FGD4: variants seen among roughly 807,000 people sequenced by gnomAD.
The protein encoded by FGD4 is FYVE, RhoGEF and PH domain-containing protein 4.
Under a neutral mutation model 102.0 loss-of-function variants are expected in FGD4, and 42 were observed. That is an observed-to-expected ratio of 0.41 (90% CI 0.32 to 0.53). The LOEUF is 0.53. FGD4 is among the 20% of genes least tolerant of loss of function. The pLI, the probability that FGD4 is intolerant of heterozygous loss-of-function variation, is 0.21. For synonymous variants in FGD4, 380 were observed against 375.7 expected, an observed-to-expected ratio of 1.01 and a Z score of -0.13; for missense variants, 902 against 1,078.2, an observed-to-expected ratio of 0.84 and a Z score of 2.29.
At chr12:32,406,804 T>C (rs1304997186) in intron 1 of FGD4, among the ~76,000 whole-genome samples, 2 of 151,942 alleles carry the variant, frequency 1.3e-5, no homozygotes, top group South Asian at 2.1e-4. Flanking sequence ...AAGCTGTTTT[T>C]TTTTGTTTGT....
chr12:32,404,995 G>A (rs1408952771), intron 1 of FGD4, among the ~76,000 whole-genome samples: 3 of 152,012 alleles, frequency 2.0e-5, no homozygotes, highest in Non-Finnish European at 2.9e-5. Flanking sequence ...GAGCAGTGGC[G>A]CAATCTCGGC....
At chr12:32,524,539 GA>G (rs1205784414) in intron 1 of FGD4, among the ~76,000 whole-genome samples, 6 of 120,910 alleles carry the variant, frequency 5.0e-5, no homozygotes, top group Non-Finnish European at 1.0e-4. Context: ...AAAAAAAACA[GA>G]AAAAAATATG....
rs1004968 is a variant in FGD4 at position 32,610,540 on chromosome 12, T to G, written c.1544-236T>G. Among the ~76,000 whole-genome samples the G allele has an allele frequency of 0.4, 60,830 of 152,068 alleles. 12,495 individuals carry two copies. Among genetic ancestry groups the G allele is most frequent in the Middle Eastern group, 0.57 (169 of 294 alleles). Reference sequence around the variant, plus strand: ...TTAATTTTGATGGTTCATTGGGGATTAATTAAACCTGTGAGCCTAAATCAT... The same window carrying G: ...TTAATTTTGATGGTTCATTGGGGATGAATTAAACCTGTGAGCCTAAATCAT... On this transcript the variant is annotated intron_variant, in intron 8 of 16. Coordinates refer to ENST00000534526, the MANE Select transcript of FGD4 (RefSeq NM_001370298.3).
At chr12:32,610,719 A>G (rs952450411) in intron 8 of FGD4, 57 bp from the exon 9 acceptor site, 7 of 1,500,608 alleles carry the variant, frequency 4.7e-6, no homozygotes, top group South Asian at 2.3e-5. Flanking sequence ...ACTCAGCTAT[A>G]TAGAAGCACA....
chr12:32,415,709 C>T lies in FGD4; in HGVS notation c.166+15750C>T, dbSNP rs371136487. On this transcript the variant is annotated intron_variant, in intron 1 of 16. Transcript: ENST00000534526. ...TGCGGAGCCACCAGGCGTGAGCCACCGCGCCCAGCCTCTTTCTTTAGCTCT... is the reference window on the plus strand; with the variant it reads ...TGCGGAGCCACCAGGCGTGAGCCACTGCGCCCAGCCTCTTTCTTTAGCTCT... 1.3e-4 allele frequency among the ~76,000 whole-genome samples: 20 copies of T among 152,288 alleles called. No homozygotes were observed. In the South Asian group the frequency reaches 1.7e-3, roughly 13 times the overall value.
intron 15 of FGD4, among the ~76,000 whole-genome samples, chr12:32,636,153 A>G (rs1237668934): frequency 6.6e-6 from 1 of 152,078 alleles, no homozygotes; most frequent in Non-Finnish European, 1.5e-5. Flanking sequence ...GGTCGCGTAA[A>G]AAAACACCCT....
At chr12:32,462,453 G>A (rs118082664) in intron 1 of FGD4, among the ~76,000 whole-genome samples, 5,768 of 152,198 alleles carry the variant, frequency 0.038, 164 homozygotes, top group South Asian at 0.12. Context: ...GAGCCACTGC[G>A]CCCAGCCGAC....
chr12:32,588,518 T>C (rs1006314232), intron 4 of FGD4, among the ~76,000 whole-genome samples: 5 of 152,318 alleles, frequency 3.3e-5, no homozygotes, highest in African/African-American at 1.2e-4. Flanking sequence ...CGGAGGTAGC[T>C]TGCAGGCTTG....
chr12:32,413,332 A>G (rs1941282863), intron 1 of FGD4, among the ~76,000 whole-genome samples: 1 of 152,162 alleles, frequency 6.6e-6, no homozygotes, highest in African/African-American at 2.4e-5. Context: ...TAACAAAATG[A>G]TCTTCGTTTA....
chr12:32,608,242 C>T (rs1227987269), intron 8 of FGD4, 147 bp downstream of exon 8: 10 of 1,178,330 alleles, frequency 8.5e-6, no homozygotes, highest in Non-Finnish European at 1.2e-5. Context: ...GTTATCATCA[C>T]TTCAGTTAGG....
At chr12:32,567,029 C>T (rs903720293) in intron 2 of FGD4, among the ~76,000 whole-genome samples, 2 of 152,182 alleles carry the variant, frequency 1.3e-5, no homozygotes, top group Admixed American at 1.3e-4. Context: ...TCACAATCTT[C>T]CTGCACTTAT....
intron 4 of FGD4, among the ~76,000 whole-genome samples, chr12:32,597,191 CATACAGCA>C (rs1947978227): frequency 6.6e-6 from 1 of 152,150 alleles, no homozygotes; most frequent in South Asian, 2.1e-4. Flanking sequence ...AAAGATCCCT[CATACAGCA>C]ATACAGAAGG....
chr12:32,577,128 CAG>C (rs1946190213), intron 3 of FGD4, among the ~76,000 whole-genome samples: 1 of 152,026 alleles, frequency 6.6e-6, no homozygotes, highest in African/African-American at 2.4e-5. Flanking sequence ...TAAAGATAAA[CAG>C]AACCCACATA....
At chr12:32,578,830 T>TA (rs552651115) in intron 3 of FGD4, among the ~76,000 whole-genome samples, 4,584 of 142,030 alleles carry the variant, frequency 0.032, 107 homozygotes, top group African/African-American at 0.069. Context: ...GACCCTGCCT[T>TA]AAAAAAAAAA....
intron 1 of FGD4, among the ~76,000 whole-genome samples, chr12:32,464,997 TAATAGGGA>T (rs1435014666): frequency 6.6e-6 from 1 of 152,180 alleles, no homozygotes; most frequent in Non-Finnish European, 1.5e-5. Context: ...AATTGTGATG[TAATAGGGA>T]TTAAAGCCAG....
At chr12:32,521,372 C>CAAAAAAAAAAAA (rs60786078) in intron 1 of FGD4, among the ~76,000 whole-genome samples, 1 of 93,946 alleles carries the variant, frequency 1.1e-5, no homozygotes. Flanking sequence ...GACTCCGTCT[C>CAAAAAAAAAAAA]AAAAAAAAAA....
chr12:32,529,095 G>A (rs566756858), intron 1 of FGD4, among the ~76,000 whole-genome samples: 18 of 152,192 alleles, frequency 1.2e-4, no homozygotes, highest in Non-Finnish European at 2.5e-4. Flanking sequence ...ATTAAGCCTC[G>A]GAGACGTGCA....
chr12:32,512,234 G>T (rs566344828), intron 1 of FGD4, among the ~76,000 whole-genome samples: 158 of 152,036 alleles, frequency 1.0e-3, no homozygotes, highest in African/African-American at 3.6e-3. Flanking sequence ...ATCATCTGAG[G>T]TTAGGAGTTT....
intron 2 of FGD4, among the ~76,000 whole-genome samples, chr12:32,573,384 C>T (rs1477558035): frequency 4.6e-5 from 7 of 152,198 alleles, no homozygotes; most frequent in African/African-American, 1.7e-4. Context: ...CGTGAGCCGC[C>T]GCCCCTGGCC....
Sources: gnomAD v4.1 joint callset for allele counts (sites outside exome capture counted in the v4.1 genomes callset) on GRCh38, gnomAD v4.1.1 for gene constraint, MANE v1.5 for transcripts, NCBI Gene and HGNC (gene_info 2026-07-23, HGNC 2026-07-21) for gene names.